Variants in SEL1L observed in about 807,000 individuals in gnomAD.
SEL1L encodes the protein SEL1L adaptor subunit of SYVN1 ubiquitin ligase.
SEL1L carries 52 observed loss-of-function variants against 109.8 expected under a neutral mutation model. The ratio of observed to expected loss-of-function variants is 0.47; its 90% CI spans 0.38 to 0.60. The LOEUF (loss-of-function observed/expected upper bound fraction) is 0.60, where lower values mean the gene tolerates loss of function less well. Ranked by LOEUF, SEL1L falls within the 20% of genes least tolerant of loss-of-function variation. The pLI, the probability that SEL1L is intolerant of heterozygous loss-of-function variation, is 0.00. For missense variants in SEL1L, 749 were observed against 962.2 expected (o/e 0.78, Z 2.93); for synonymous variants, 373 against 339.6 (o/e 1.10, Z -1.08).
chr14:81,484,181 A>C (rs1566970654), intron 19 of SEL1L, 44 bp downstream of exon 19: 6 of 1,553,664 alleles, frequency 3.9e-6, no homozygotes, highest in Non-Finnish European at 5.3e-6. Flanking sequence ...TATTTTCCCC[A>C]ATCACAATTA....
At chr14:81,490,224 G>T (rs1030968430) in intron 13 of SEL1L, among the ~76,000 whole-genome samples, 164 bp downstream of exon 13, 3 of 152,190 alleles carry the variant, frequency 2.0e-5, no homozygotes, top group Non-Finnish European at 4.4e-5. Context: ...CTTTTATCGG[G>T]AGGGCTTTGT....
intron 3 of SEL1L, among the ~76,000 whole-genome samples, chr14:81,509,501 C>T (rs1250841606): frequency 6.6e-6 from 1 of 152,080 alleles, no homozygotes; most frequent in East Asian, 1.9e-4. Flanking sequence ...GACACAGTAT[C>T]CCAATCTATT....
intron 19 of SEL1L, among the ~76,000 whole-genome samples, chr14:81,480,501 A>G (rs1184330615): frequency 1.3e-5 from 2 of 152,130 alleles, no homozygotes; most frequent in Non-Finnish European, 2.9e-5. Flanking sequence ...AGGCAGGAGG[A>G]TCACTTGAGG....
chr14:81,488,917 C>T lies in SEL1L; in HGVS notation c.1395+335G>A, dbSNP rs189085581. On this transcript the variant is annotated intron_variant, in intron 14 of 20. Transcript: ENST00000336735. ...TCCTCCTCAATGGAAGGCAGTTATG[C>T]ATTTTGTCAGGATTGAGTAAAAAAG... 9 of 284,894 alleles carry T rather than the reference C, an allele frequency of 3.2e-5. No individual in the cohort carries two copies. The Admixed American group carries it at 4.0e-4, about 13-fold the overall frequency. 17.6% of individuals were successfully genotyped at this position (284,894 alleles called of 1,614,324 possible). A position where few individuals can be genotyped will look rare whatever the true frequency, so the allele number is the denominator to read the frequency against.
chr14:81,473,730 T>C lies in SEL1L; in HGVS notation c.*3242A>G, dbSNP rs144704654. On this transcript the variant is annotated 3_prime_UTR_variant, in exon 21 of 21. Transcript: ENST00000336735. ...GTCCGAACCTCTGTAAAGGAAGTTTTTGCGTATGTAGTTAGACATTAATAC... is the reference window on the plus strand; with the variant it reads ...GTCCGAACCTCTGTAAAGGAAGTTTCTGCGTATGTAGTTAGACATTAATAC... 1.3e-5 allele frequency: 2 copies of C among 152,286 alleles called. No homozygotes were observed. The highest frequency in any genetic ancestry group is 2.4e-5 in the African/African-American group (1 of 41,574). 9.4% of individuals were successfully genotyped at this position (152,286 alleles called of 1,614,324 possible).
At chr14:81,528,015 A>G (rs1885179561) in intron 1 of SEL1L, among the ~76,000 whole-genome samples, 1 of 152,156 alleles carries the variant, frequency 6.6e-6, no homozygotes, top group African/African-American at 2.4e-5. Flanking sequence ...CCACCAACAA[A>G]AACAGGTATT....
rs1489221706 is a variant in SEL1L, at chr14:81,471,707, A to C, written c.*5265T>G. On this transcript the variant is annotated 3_prime_UTR_variant, in exon 21 of 21. Transcript: ENST00000336735. ...TGTTTAAAAGAAATTAACCCAGATA[A>C]AAAGAATTTGGCCTCTAGGGAAAAT... The C allele has an allele frequency of 1.3e-5, 2 of 152,234 alleles. No homozygotes were observed. The highest frequency in any genetic ancestry group is 4.8e-5 in the African/African-American group (2 of 41,464). The allele number at this position is 152,234 out of a possible 1,614,324, so 9.4% of individuals were successfully genotyped here.
At chr14:81,477,543 G>T (rs1340974190) in intron 20 of SEL1L, among the ~76,000 whole-genome samples, 2 of 152,102 alleles carry the variant, frequency 1.3e-5, no homozygotes, top group East Asian at 3.9e-4. Flanking sequence ...CAGGCGCGGG[G>T]GCTCAGGCCT....
At chr14:81,526,275 G>A (rs1293434971) in intron 3 of SEL1L, among the ~76,000 whole-genome samples, 1 of 152,136 alleles carries the variant, frequency 6.6e-6, no homozygotes, top group Non-Finnish European at 1.5e-5. Context: ...ACACACAAGC[G>A]TCAGCTGAGG....
Position 81,484,393 on chromosome 14 carries a change from A to G in SEL1L, c.1878T>C (p.Tyr626=). Residue 626 remains tyrosine, a synonymous_variant, in exon 19 of 21, where the codon TAT becomes TAC. Coordinates refer to ENST00000336735, the MANE Select transcript of SEL1L (RefSeq NM_005065.6). ...CTCCGAGCTTAATTCTAGCCACAGT[A>G]TAGCCTTAAACAAAAGTTAAATGCA... is the stretch of plus-strand genomic sequence containing the variant. ...LHWNRAASQG[Y]TVARIKLGDY... The G allele has an allele frequency of 1.2e-6, 2 of 1,610,144 alleles. No homozygotes were observed. The highest frequency in any genetic ancestry group is 1.7e-6 in the Non-Finnish European group (2 of 1,176,698).
At chr14:81,525,419 C>CT (rs1491052136) in intron 3 of SEL1L, among the ~76,000 whole-genome samples, 1 of 93,398 alleles carries the variant, frequency 1.1e-5, no homozygotes, top group African/African-American at 4.6e-5. Context: ...AATATAAAAA[C>CT]TAAAAAAAAA....
chr14:81,528,183 T>G (rs1208406773), intron 1 of SEL1L, among the ~76,000 whole-genome samples: 4 of 152,186 alleles, frequency 2.6e-5, no homozygotes, highest in Non-Finnish European at 4.4e-5. Flanking sequence ...ATTTTAGTGC[T>G]CATTAGTATT....
At chr14:81,493,999 A>G (rs1391752095) in intron 11 of SEL1L, among the ~76,000 whole-genome samples, 1 of 152,164 alleles carries the variant, frequency 6.6e-6, no homozygotes, top group Admixed American at 6.5e-5. Context: ...CTCACTTTGC[A>G]TTCTCTAAGC....
intron 3 of SEL1L, among the ~76,000 whole-genome samples, chr14:81,521,669 A>G (rs956430216): frequency 1.3e-5 from 2 of 152,262 alleles, no homozygotes; most frequent in African/African-American, 4.8e-5. Flanking sequence ...TTCCAGTTGT[A>G]TAAAAGTATA....
At chr14:81,494,933 T>G (rs1883683864) in intron 11 of SEL1L, 148 bp downstream of exon 11, 1 of 676,166 alleles carries the variant, frequency 1.5e-6, no homozygotes, top group Non-Finnish European at 2.5e-6. Flanking sequence ...TCAGCTTTCT[T>G]AGGGGTTGGT....
At chr14:81,526,234 A>G (rs1885107732) in intron 3 of SEL1L, among the ~76,000 whole-genome samples, 1 of 152,206 alleles carries the variant, frequency 6.6e-6, no homozygotes, top group Non-Finnish European at 1.5e-5. Flanking sequence ...TAGAGGTTTC[A>G]AGATTGTGAA....
In SEL1L at chr14:81,533,768, C is replaced by A. The variant is rs774123753; in HGVS notation, c.-24G>T. 6.2e-7 allele frequency: 1 copy of A among 1,610,070 alleles called. No individual in the cohort carries two copies. Among genetic ancestry groups the A allele is most frequent in the Non-Finnish European group, 8.5e-7 (1 of 1,178,364 alleles). On this transcript the variant is annotated 5_prime_UTR_variant, in exon 1 of 21. Coordinates refer to ENST00000336735, the MANE Select transcript of SEL1L (RefSeq NM_005065.6). ...ATCCTCCTCTCGGGGCCGGTGCCAA[C>A]CCCTAGAGCTGTCGCCTTCGCCTCT...
At position 81,476,972 on chromosome 14, in the gene SEL1L, T is replaced by G; in HGVS notation, c.2385A>C (p.Ter795TyrextTer1). The stretch of plus-strand genomic sequence containing the variant: ...TGATCAAGGCTGGACCCAGTGCCTA[T>G]TACTGTGGTGGCTGCTGCTCTGGTG... ...EGPPEQQPPQ* is the reference protein window; with the variant it reads ...EGPPEQQPPQY The change falls in exon 21 of 21, where the codon TAA (stop) becomes TAC (tyrosine). Residue 795 changes from the stop codon to tyrosine, a stop_lost. Transcript: ENST00000336735. 1 of 1,614,190 alleles carries G rather than the reference T, an allele frequency of 6.2e-7. No individual in the cohort carries two copies. The highest frequency in any genetic ancestry group is 8.5e-7 in the Non-Finnish European group (1 of 1,180,030).
chr14:81,498,982 G>A, intron 8 of SEL1L: 2 of 439,224 alleles, frequency 4.6e-6, no homozygotes, highest in Non-Finnish European at 6.1e-6. Flanking sequence ...GTAAAAAACA[G>A]AAAGTAGAGC....
Sources: gnomAD v4.1 joint callset for allele counts (sites outside exome capture counted in the v4.1 genomes callset) on GRCh38, gnomAD v4.1.1 for gene constraint, MANE v1.5 for transcripts, NCBI Gene and HGNC (gene_info 2026-07-23, HGNC 2026-07-21) for gene names.